Variants in ARHGAP15 observed in about 807,000 individuals in gnomAD.
ARHGAP15 encodes the protein Rho GTPase activating protein 15.
In ARHGAP15, 51 loss-of-function variants were observed where a neutral mutation model predicts 63.7. That is an observed-to-expected ratio of 0.80 (90% CI 0.64 to 1.01). The LOEUF (loss-of-function observed/expected upper bound fraction) is 1.01. Ranked by LOEUF, ARHGAP15 falls within the 50% of genes least tolerant of loss-of-function variation. The probability of loss-of-function intolerance (pLI) is 0.00; values close to 1 mark genes in which losing one functional copy is unlikely to be tolerated. For synonymous variants in ARHGAP15, 191 were observed against 193.8 expected, an observed-to-expected ratio of 0.99 and a Z score of 0.12; for missense variants, 560 against 564.6, an observed-to-expected ratio of 0.99 and a Z score of 0.08.
At chr2:143,593,940 A>G (rs1178324223) in intron 11 of ARHGAP15, among the ~76,000 whole-genome samples, 2 of 152,212 alleles carry the variant, frequency 1.3e-5, no homozygotes, top group Non-Finnish European at 2.9e-5. Context: ...TTGGTATTCT[A>G]AGTATTCATC....
At chr2:143,192,283 A>G (rs1013796137) in intron 2 of ARHGAP15, among the ~76,000 whole-genome samples, 9 of 152,236 alleles carry the variant, frequency 5.9e-5, no homozygotes, top group African/African-American at 1.7e-4. Flanking sequence ...CTGTATAAAG[A>G]CTAGGACAGA....
intron 12 of ARHGAP15, among the ~76,000 whole-genome samples, chr2:143,628,133 T>A (rs916097169): frequency 6.6e-6 from 1 of 152,142 alleles, no homozygotes; most frequent in African/African-American, 2.4e-5. Context: ...TCCAGCTGTA[T>A]CCATGTTGCT....
At chr2:143,344,016 T>C (rs1685167729) in intron 6 of ARHGAP15, 1 of 152,094 alleles carries the variant, frequency 6.6e-6, no homozygotes, top group South Asian at 2.1e-4. Flanking sequence ...ATATCAGCAC[T>C]CCCCACCACA....
At chr2:143,707,728 G>T (rs1171323736) in intron 13 of ARHGAP15, among the ~76,000 whole-genome samples, 1 of 152,186 alleles carries the variant, frequency 6.6e-6, no homozygotes. Context: ...TTCAGTGATA[G>T]GGGAGGGTTA....
chr2:143,347,145 A>G (rs1685336615), intron 6 of ARHGAP15, among the ~76,000 whole-genome samples: 1 of 152,148 alleles, frequency 6.6e-6, no homozygotes, highest in Admixed American at 6.6e-5. Context: ...TATTATTGAG[A>G]AGCAATCAAT....
At chr2:143,182,351 A>C (rs920764423) in intron 2 of ARHGAP15, among the ~76,000 whole-genome samples, 1 of 152,134 alleles carries the variant, frequency 6.6e-6, no homozygotes, top group Non-Finnish European at 1.5e-5. Flanking sequence ...GGCAGAGGAG[A>C]GGGAAAGAGA....
chr2:143,480,643 G>A (rs1406576354), intron 8 of ARHGAP15: 1 of 152,096 alleles, frequency 6.6e-6, no homozygotes, highest in African/African-American at 2.4e-5. Context: ...CTGCAAGTTG[G>A]GGTTTGAAAT....
At chr2:143,422,859 AC>A (rs1373153661) in intron 6 of ARHGAP15, among the ~76,000 whole-genome samples, 1 of 152,056 alleles carries the variant, frequency 6.6e-6, no homozygotes, top group Non-Finnish European at 1.5e-5. Flanking sequence ...AGAATAGGGA[AC>A]CACAAGCCGG....
chr2:143,317,848 T>G (rs1683792563), intron 6 of ARHGAP15, among the ~76,000 whole-genome samples: 1 of 152,066 alleles, frequency 6.6e-6, no homozygotes. Context: ...TGGGTGAAAG[T>G]GTAGTATTAG....
chr2:143,608,671 T>C (rs1368266822), intron 11 of ARHGAP15: 1 of 152,212 alleles, frequency 6.6e-6, no homozygotes, highest in Non-Finnish European at 1.5e-5. Flanking sequence ...CTAAGATGTA[T>C]GTTTCACAGC....
intron 8 of ARHGAP15, among the ~76,000 whole-genome samples, chr2:143,476,583 A>C (rs1691828371): frequency 6.6e-6 from 1 of 152,196 alleles, no homozygotes; most frequent in Non-Finnish European, 1.5e-5. Flanking sequence ...TTTCTTTCCC[A>C]CAACTTAAAC....
At chr2:143,363,518 A>T (rs555459617) in intron 6 of ARHGAP15, among the ~76,000 whole-genome samples, 1 of 152,250 alleles carries the variant, frequency 6.6e-6, no homozygotes, top group South Asian at 2.1e-4. Flanking sequence ...AAGAATGAAA[A>T]ATAGAACACT....
chr2:143,216,337 A>G, intron 3 of ARHGAP15, 47 bp from the exon 4 acceptor site: 2 of 1,403,522 alleles, frequency 1.4e-6, no homozygotes, highest in South Asian at 1.2e-5. Context: ...CAAATCAACA[A>G]TGCATAGTAG....
intron 12 of ARHGAP15, among the ~76,000 whole-genome samples, chr2:143,634,151 T>C (rs1026626151): frequency 4.6e-5 from 7 of 152,108 alleles, no homozygotes; most frequent in African/African-American, 1.7e-4. Context: ...GCCCATTGCA[T>C]TCCAGCCCAT....
At chr2:143,718,047 C>T (rs1684885559) in intron 13 of ARHGAP15, among the ~76,000 whole-genome samples, 1 of 152,044 alleles carries the variant, frequency 6.6e-6, no homozygotes, top group Non-Finnish European at 1.5e-5. Context: ...TGCAGGGTGA[C>T]ATCCAGGAAT....
intron 12 of ARHGAP15, chr2:143,683,042 C>CTAAAG (rs1233358585): frequency 5.9e-5 from 9 of 152,166 alleles, no homozygotes; most frequent in Non-Finnish European, 4.4e-5. Context: ...GACCCACAAA[C>CTAAAG]TAAAGTATTG....
At chr2:143,578,369 G>A (rs1696757235) in intron 11 of ARHGAP15, among the ~76,000 whole-genome samples, 1 of 152,124 alleles carries the variant, frequency 6.6e-6, no homozygotes, top group Non-Finnish European at 1.5e-5. Context: ...GAGTATGAAA[G>A]ATGAGAGATT....
intron 6 of ARHGAP15, among the ~76,000 whole-genome samples, chr2:143,304,067 C>T (rs570470993): frequency 6.6e-6 from 1 of 152,220 alleles, no homozygotes; most frequent in East Asian, 1.9e-4. Context: ...GGATCTACAA[C>T]TAGAAATAGC....
At chr2:143,523,569 T>G (rs1694145309) in intron 10 of ARHGAP15, among the ~76,000 whole-genome samples, 1 of 152,160 alleles carries the variant, frequency 6.6e-6, no homozygotes, top group South Asian at 2.1e-4. Flanking sequence ...ACATGCATTT[T>G]GCCAAATAGA....
Sources: allele counts gnomAD v4.1 joint callset (sites outside exome capture counted in the v4.1 genomes callset), GRCh38; gene constraint gnomAD v4.1.1; transcripts MANE v1.5; gene names NCBI Gene and HGNC (gene_info 2026-07-23, HGNC 2026-07-21).